ALK: variants seen among roughly 807,000 people sequenced by gnomAD.
ALK encodes the protein ALK receptor tyrosine kinase.
A neutral mutation model predicts 163.1 loss-of-function variants in ALK; 74 were observed. The ratio of observed to expected loss-of-function variants is 0.45; its 90% CI spans 0.38 to 0.55. ALK has a LOEUF of 0.55. Among genes scored for constraint, ALK ranks in the 20% least tolerant of loss-of-function variants. ALK has a pLI of 0.00. For missense variants in ALK, 2,063 were observed against 2,105.3 expected, an observed-to-expected ratio of 0.98 and a Z score of 0.39; for synonymous variants, 960 against 843.2, an observed-to-expected ratio of 1.14 and a Z score of -2.40.
At chr2:29,573,350 G>A (rs1386832410) in intron 3 of ALK, among the ~76,000 whole-genome samples, 1 of 152,228 alleles carries the variant, frequency 6.6e-6, no homozygotes, top group African/African-American at 2.4e-5. Context: ...TGGATCAGAG[G>A]TCCGTCTGCA....
chr2:29,816,450 T>TTAG (rs931596707), intron 1 of ALK, among the ~76,000 whole-genome samples: 12 of 152,184 alleles, frequency 7.9e-5, no homozygotes, highest in African/African-American at 2.9e-4. Flanking sequence ...ATTATTATTA[T>TTAG]CAGTGAATGC....
intron 3 of ALK, among the ~76,000 whole-genome samples, chr2:29,553,158 C>G (rs1207131263): frequency 6.6e-6 from 1 of 152,096 alleles, no homozygotes; most frequent in African/African-American, 2.4e-5. Flanking sequence ...TTAAGAGAGG[C>G]CATTTTGGGA....
chr2:29,333,564 T>A (rs181684354), intron 5 of ALK, among the ~76,000 whole-genome samples: 14 of 152,346 alleles, frequency 9.2e-5, no homozygotes, highest in Non-Finnish European at 2.9e-5. Context: ...TGCGTGACAA[T>A]TTTTCCCAGT....
chr2:29,583,035 G>GTTTTTTTTTTTTTTTTTTTTTTTTTTTT (rs10637189), intron 3 of ALK, among the ~76,000 whole-genome samples: 1 of 108,032 alleles, frequency 9.3e-6, no homozygotes, highest in Non-Finnish European at 2.1e-5. Flanking sequence ...GCTAACTTTT[G>GTTTTTTTTTTTTTTTTTTTTTTTTTTTT]TTTTTTGTTT....
chr2:29,561,148 T>C (rs1012328637), intron 3 of ALK, among the ~76,000 whole-genome samples: 3 of 152,232 alleles, frequency 2.0e-5, no homozygotes, highest in African/African-American at 7.2e-5. Flanking sequence ...CTTTTACTTT[T>C]TTAAGTGGCT....
chr2:29,809,097 C>T (rs780497571), intron 1 of ALK, among the ~76,000 whole-genome samples: 1 of 152,192 alleles, frequency 6.6e-6, no homozygotes, highest in African/African-American at 2.4e-5. Flanking sequence ...AAACTTTATG[C>T]AGAAGCTAAA....
intron 4 of ALK, among the ~76,000 whole-genome samples, chr2:29,481,561 G>A (rs980178615): frequency 2.6e-5 from 4 of 152,152 alleles, no homozygotes; most frequent in Admixed American, 2.0e-4. Context: ...TCTTCATTGA[G>A]GTTTCTAGAA....
intron 4 of ALK, among the ~76,000 whole-genome samples, chr2:29,469,470 C>T (rs768664737): frequency 2.4e-4 from 37 of 152,146 alleles, no homozygotes; most frequent in Non-Finnish European, 4.6e-4. Context: ...TGTTCTCTCT[C>T]AGAAAGATAA....
intron 4 of ALK, among the ~76,000 whole-genome samples, chr2:29,449,545 A>G (rs1670770992): frequency 6.6e-6 from 1 of 152,166 alleles, no homozygotes; most frequent in Non-Finnish European, 1.5e-5. Context: ...AGTTTGGTGC[A>G]TTTCCATTCA....
chr2:29,461,526 AT>A (rs1330810184), intron 4 of ALK, among the ~76,000 whole-genome samples: 1 of 152,176 alleles, frequency 6.6e-6, no homozygotes, highest in Non-Finnish European at 1.5e-5. Flanking sequence ...GCCCTTAAGA[AT>A]TATGCTAAAT....
intron 3 of ALK, among the ~76,000 whole-genome samples, chr2:29,653,532 G>A (rs1329091110): frequency 6.6e-6 from 1 of 152,068 alleles, no homozygotes; most frequent in Non-Finnish European, 1.5e-5. Flanking sequence ...TTGAACGTTA[G>A]TTTCTTTGTC....
intron 4 of ALK, among the ~76,000 whole-genome samples, chr2:29,500,240 G>A (rs1672132945): frequency 1.3e-5 from 2 of 152,278 alleles, no homozygotes; most frequent in South Asian, 2.1e-4. Context: ...CTCATGAAAG[G>A]TTTCGCACCA....
At chr2:29,730,961 T>C (rs1679726694) in intron 1 of ALK, among the ~76,000 whole-genome samples, 1 of 152,168 alleles carries the variant, frequency 6.6e-6, no homozygotes, top group South Asian at 2.1e-4. Context: ...GGGACATGTC[T>C]ACATGACAAT....
At chr2:29,308,039 GT>G (rs1185886897) in intron 8 of ALK, among the ~76,000 whole-genome samples, 3,206 of 144,218 alleles carry the variant, frequency 0.022, 121 homozygotes, top group African/African-American at 0.073. Flanking sequence ...AAAGTTACAA[GT>G]TTTTTTTTTT....
rs990457140 is a variant in ALK, at chr2:29,913,441, C to T, written c.667+6552G>A. Among the ~76,000 whole-genome samples, 8 of 152,198 alleles carry T rather than the reference C, an allele frequency of 5.3e-5. 1 individual carries two copies. The highest frequency in any genetic ancestry group is 1.2e-4 in the Non-Finnish European group (8 of 68,042). On this transcript the variant is annotated intron_variant, in intron 1 of 28. Coordinates refer to ENST00000389048, the MANE Select transcript of ALK (RefSeq NM_004304.5). ...ACATCTTGACCTGTGTGAAAGAGCC[C>T]TGGTCATCACAAGGTTAAGAAACAT...
At chr2:29,510,466 T>A (rs912270094) in intron 4 of ALK, among the ~76,000 whole-genome samples, 6 of 152,210 alleles carry the variant, frequency 3.9e-5, no homozygotes, top group Non-Finnish European at 8.8e-5. Context: ...GCTCAGTTCA[T>A]CTTTTTTGGG....
intron 23 of ALK, among the ~76,000 whole-genome samples, chr2:29,215,409 G>A (rs1669575338): frequency 6.6e-6 from 1 of 152,180 alleles, no homozygotes; most frequent in Admixed American, 6.5e-5. Flanking sequence ...TCAGTTCTTG[G>A]GGAGACAACT....
At chr2:29,207,362 A>G (rs1384599273) in intron 25 of ALK, 90 bp from the exon 26 acceptor site, 6 of 975,072 alleles carry the variant, frequency 6.2e-6, no homozygotes, top group Non-Finnish European at 8.2e-6. Flanking sequence ...TGGCAACAAT[A>G]TAGTCTACCC....
At chr2:29,561,731 G>A (rs1396484637) in intron 3 of ALK, among the ~76,000 whole-genome samples, 1 of 152,102 alleles carries the variant, frequency 6.6e-6, no homozygotes, top group East Asian at 1.9e-4. Context: ...AATATCATAC[G>A]ATATGTTTAG....
Sources: gnomAD v4.1 joint callset for allele counts (sites outside exome capture counted in the v4.1 genomes callset) on GRCh38, gnomAD v4.1.1 for gene constraint, MANE v1.5 for transcripts, NCBI Gene and HGNC (gene_info 2026-07-23, HGNC 2026-07-21) for gene names.